Variants in ABAT observed in about 807,000 individuals in gnomAD.
ABAT encodes 4-aminobutyrate aminotransferase, mitochondrial.
Under a neutral mutation model 64.6 loss-of-function variants are expected in ABAT, and 45 were observed. That is an observed-to-expected ratio of 0.70 (90% CI 0.55 to 0.89). The LOEUF is 0.89. ABAT is among the 40% of genes least tolerant of loss of function. ABAT has a pLI of 0.00. For missense variants in ABAT, 633 were observed against 658.4 expected (o/e 0.96, Z 0.42); for synonymous variants, 297 against 250.5 (o/e 1.19, Z -1.75).
chr16:8,748,823 C>G (rs1363643704), intron 4 of ABAT, among the ~76,000 whole-genome samples: 1 of 152,082 alleles, frequency 6.6e-6, no homozygotes, highest in African/African-American at 2.4e-5. Flanking sequence ...GATATGAGTA[C>G]AACCCCTTCT....
chr16:8,774,803 G>T, intron 12 of ABAT, 87 bp from the exon 13 acceptor site: 2 of 1,531,800 alleles, frequency 1.3e-6, no homozygotes, highest in Non-Finnish European at 9.0e-7. Context: ...GTGGACCCAG[G>T]GTTTGGCAGT....
intron 1 of ABAT, among the ~76,000 whole-genome samples, chr16:8,687,582 G>C (rs116274354): frequency 1.3e-5 from 2 of 152,320 alleles, no homozygotes; most frequent in South Asian, 4.1e-4. Flanking sequence ...TGTTTGGACT[G>C]AGCAGTCCTT....
chr16:8,722,766 G>C (rs2058408741), intron 1 of ABAT: 1 of 1,268,832 alleles, frequency 7.9e-7, no homozygotes, highest in African/African-American at 1.5e-5. Flanking sequence ...TCTTTCCCCA[G>C]ATGCGCCCAT....
chr16:8,735,692 CT>C lies in ABAT; in HGVS notation c.-41-4del. ...GGGCCTAAGTCTGCATTTCTGGTTT[CT>C]TTCAGGGTGGCAGCACGCAAAGGGT... On this transcript the variant is annotated splice_region_variant and splice_polypyrimidine_tract_variant and intron_variant, in intron 1 of 15. Coordinates refer to ENST00000268251, the MANE Select transcript of ABAT (RefSeq NM_020686.6). The C allele has an allele frequency of 6.4e-7, 1 of 1,558,384 alleles. No homozygotes were observed. Among genetic ancestry groups the C allele is most frequent in the Non-Finnish European group, 8.7e-7 (1 of 1,150,918 alleles).
chr16:8,748,734 G>A (rs1225596076), intron 4 of ABAT, among the ~76,000 whole-genome samples: 4 of 152,064 alleles, frequency 2.6e-5, no homozygotes, highest in African/African-American at 4.8e-5. Flanking sequence ...GTTTATAATT[G>A]TCATATCTTC....
intron 10 of ABAT, among the ~76,000 whole-genome samples, chr16:8,768,540 A>T (rs2060011911): frequency 6.6e-6 from 1 of 151,998 alleles, no homozygotes; most frequent in Non-Finnish European, 1.5e-5. Context: ...GCAAACACAT[A>T]CCCACGCACG....
intron 1 of ABAT, among the ~76,000 whole-genome samples, chr16:8,682,715 C>G (rs1296102620): frequency 6.6e-6 from 1 of 152,200 alleles, no homozygotes; most frequent in Non-Finnish European, 1.5e-5. Flanking sequence ...CTTGCCAGCA[C>G]TCTGTCCCTG....
intron 1 of ABAT, chr16:8,713,503 T>A (rs768603996): frequency 4.9e-6 from 1 of 204,982 alleles, no homozygotes; most frequent in Admixed American, 5.3e-5. Context: ...GCATCCTGTT[T>A]CTGTCTGAAA....
rs141570442 is a variant in ABAT at position 8,716,983 on chromosome 16, ATATCT to A, written c.-41-18712_-41-18708del. Among the ~76,000 whole-genome samples the A allele has an allele frequency of 9.9e-3, 1,509 of 152,306 alleles. 31 individuals carry two copies. Among genetic ancestry groups the A allele is most frequent in the African/African-American group, 0.034 (1,432 of 41,564 alleles). ...CACACATCCGAAAAAGAAATGCAAAATATCTTATTAATAACTATATTGATGGCCGG... is the reference window on the plus strand; with the variant it reads ...CACACATCCGAAAAAGAAATGCAAAATATTAATAACTATATTGATGGCCGG... On this transcript the variant is annotated intron_variant, in intron 1 of 15. Transcript: ENST00000268251.
At chr16:8,703,231 G>A (rs557934121) in intron 1 of ABAT, among the ~76,000 whole-genome samples, 12 of 152,184 alleles carry the variant, frequency 7.9e-5, no homozygotes, top group African/African-American at 2.9e-4. Context: ...TGGATCACCT[G>A]AGGTCAAGAG....
At position 8,695,730 on chromosome 16, in the gene ABAT, G is replaced by C. The variant is rs768406883; in HGVS notation, c.-42+21019G>C. 8.5e-5 allele frequency among the ~76,000 whole-genome samples: 13 copies of C among 152,130 alleles called. 1 individual carries two copies. Among genetic ancestry groups the C allele is most frequent in the Non-Finnish European group, 1.6e-4 (11 of 68,004 alleles). Reference sequence around the variant, plus strand: ...GTGGAAAGAAATTTTCCTTGCATTGGAGTGATGTTAAGTCTGAAAATACAT... The same window carrying C: ...GTGGAAAGAAATTTTCCTTGCATTGCAGTGATGTTAAGTCTGAAAATACAT... On this transcript the variant is annotated intron_variant, in intron 1 of 15. Transcript: ENST00000268251.
intron 1 of ABAT, among the ~76,000 whole-genome samples, chr16:8,676,810 G>A (rs781321132): frequency 4.6e-5 from 7 of 152,094 alleles, no homozygotes; most frequent in African/African-American, 1.2e-4. Context: ...CCCTGCCCAC[G>A]CCCTCTGGCT....
At chr16:8,779,129 C>A (rs2060354655) in intron 14 of ABAT, among the ~76,000 whole-genome samples, 1 of 152,216 alleles carries the variant, frequency 6.6e-6, no homozygotes, top group Non-Finnish European at 1.5e-5. Context: ...TAAAGTCTCA[C>A]CACGGCCCCA....
intron 6 of ABAT, 88 bp downstream of exon 6, chr16:8,757,894 C>T (rs370455405): frequency 2.1e-5 from 28 of 1,317,326 alleles, no homozygotes; most frequent in African/African-American, 1.9e-4. Flanking sequence ...ATAGTCCTTT[C>T]ATTCATTCAT....
intron 1 of ABAT, among the ~76,000 whole-genome samples, chr16:8,701,050 G>T (rs912251048): frequency 1.3e-5 from 2 of 150,414 alleles, no homozygotes; most frequent in Non-Finnish European, 1.5e-5. Context: ...CAATTATCTT[G>T]CCTCAGCCTC....
At chr16:8,689,340 G>A (rs187045389) in intron 1 of ABAT, among the ~76,000 whole-genome samples, 10 of 152,238 alleles carry the variant, frequency 6.6e-5, no homozygotes, top group African/African-American at 7.2e-5. Flanking sequence ...CTATTAATCC[G>A]TGTGTTTAAT....
chr16:8,695,579 A>G (rs928027833), intron 1 of ABAT, among the ~76,000 whole-genome samples: 1 of 152,208 alleles, frequency 6.6e-6, no homozygotes, highest in Non-Finnish European at 1.5e-5. Context: ...CTACTCCACT[A>G]CATCAGAAGA....
intron 1 of ABAT, among the ~76,000 whole-genome samples, chr16:8,723,805 CTT>C (rs200331805): frequency 4.1e-4 from 31 of 75,256 alleles, no homozygotes; most frequent in East Asian, 2.1e-3. Flanking sequence ...TGGATCCAAG[CTT>C]TTTATATATA....
chr16:8,731,126 CT>C (rs2058707562), intron 1 of ABAT, among the ~76,000 whole-genome samples: 4 of 152,092 alleles, frequency 2.6e-5, no homozygotes, highest in Non-Finnish European at 5.9e-5. Context: ...CCACACCCAG[CT>C]AATTTTTGTA....
Sources: allele counts gnomAD v4.1 joint callset (sites outside exome capture counted in the v4.1 genomes callset), GRCh38; gene constraint gnomAD v4.1.1; transcripts MANE v1.5; gene names NCBI Gene and HGNC (gene_info 2026-07-23, HGNC 2026-07-21).